PCDH15: variants seen among roughly 807,000 people sequenced by gnomAD.
The protein encoded by PCDH15 is protocadherin-15.
PCDH15 carries 129 observed loss-of-function variants against 178.5 expected under a neutral mutation model. The observed-to-expected ratio is 0.72, with a 90% CI of 0.63 to 0.84. The LOEUF is 0.84. PCDH15 is among the 40% of genes least tolerant of loss of function. The probability of loss-of-function intolerance (pLI) is 0.00; values close to 1 mark genes in which losing one functional copy is unlikely to be tolerated. For missense variants in PCDH15, 2,230 were observed against 2,099.9 expected (o/e 1.06, Z -1.21); for synonymous variants, 800 against 732.0 (o/e 1.09, Z -1.50).
At chr10:55,356,392 C>T (rs147103464) in intron 2 of PCDH15, among the ~76,000 whole-genome samples, 88 of 151,834 alleles carry the variant, frequency 5.8e-4, no homozygotes, top group African/African-American at 1.9e-3. Flanking sequence ...CTATTTTTGC[C>T]TCAAACAGTG....
At chr10:54,581,171 T>G (rs1460544389) in intron 2 of PCDH15, among the ~76,000 whole-genome samples, 1 of 152,088 alleles carries the variant, frequency 6.6e-6, no homozygotes, top group Admixed American at 6.6e-5. Context: ...TTGCTGACTA[T>G]ATGTTTCTAC....
chr10:54,742,393 C>T (rs571881485), intron 1 of PCDH15, among the ~76,000 whole-genome samples: 1 of 152,070 alleles, frequency 6.6e-6, no homozygotes, highest in South Asian at 2.1e-4. Flanking sequence ...AACATACGTG[C>T]CAGCCTAGTT....
chr10:54,683,649 G>T (rs2094939273), intron 1 of PCDH15, among the ~76,000 whole-genome samples: 1 of 152,036 alleles, frequency 6.6e-6, no homozygotes, highest in Non-Finnish European at 1.5e-5. Context: ...AGCATGAGAG[G>T]TTAGGTAGCC....
At chr10:54,729,273 A>G (rs1943007274) in intron 1 of PCDH15, among the ~76,000 whole-genome samples, 1 of 151,678 alleles carries the variant, frequency 6.6e-6, no homozygotes, top group Admixed American at 6.6e-5. Flanking sequence ...CTACACATTT[A>G]TAACCATCTA....
intron 2 of PCDH15, chr10:55,506,193 G>C (rs1214268528): frequency 6.6e-6 from 1 of 151,396 alleles, no homozygotes; most frequent in Non-Finnish European, 1.5e-5. Context: ...GAAAGATGAA[G>C]GTGTCTTGGC....
intron 2 of PCDH15, among the ~76,000 whole-genome samples, chr10:55,096,798 A>G (rs915919306): frequency 6.6e-6 from 1 of 152,086 alleles, no homozygotes; most frequent in Non-Finnish European, 1.5e-5. Flanking sequence ...ACAACTTTTT[A>G]TATAAGTAAA....
chr10:53,841,312 T>C (rs1258894996), intron 28 of PCDH15, among the ~76,000 whole-genome samples: 1 of 152,122 alleles, frequency 6.6e-6, no homozygotes, highest in African/African-American at 2.4e-5. Flanking sequence ...ATAATTTTAA[T>C]TACTATATAT....
chr10:55,500,466 A>T (rs867806209), intron 2 of PCDH15, among the ~76,000 whole-genome samples: 8 of 151,986 alleles, frequency 5.3e-5, no homozygotes, highest in Middle Eastern at 6.8e-3. Flanking sequence ...TGTTGAAGTA[A>T]TTATAAAATT....
At chr10:54,606,228 G>C (rs2092734972) in intron 2 of PCDH15, 1 of 152,126 alleles carries the variant, frequency 6.6e-6, no homozygotes, top group Non-Finnish European at 1.5e-5. Flanking sequence ...GGAGATATGG[G>C]AAGAACCCAT....
At chr10:54,907,694 T>G (rs1954749043) in intron 2 of PCDH15, among the ~76,000 whole-genome samples, 1 of 152,194 alleles carries the variant, frequency 6.6e-6, no homozygotes. Context: ...CTTAAATAGT[T>G]TATGTCTGTA....
chr10:55,345,841 A>C (rs1221566359), intron 2 of PCDH15, among the ~76,000 whole-genome samples: 1 of 152,076 alleles, frequency 6.6e-6, no homozygotes, highest in Non-Finnish European at 1.5e-5. Flanking sequence ...TAAGTCAAAG[A>C]AATTACATTT....
chr10:54,868,335 G>A (rs185220003), intron 3 of PCDH15, among the ~76,000 whole-genome samples: 3 of 152,064 alleles, frequency 2.0e-5, no homozygotes, highest in Non-Finnish European at 2.9e-5. Context: ...TGATGACTAC[G>A]CATAAGCACC....
In PCDH15 at chr10:54,054,431, C is replaced by T. The variant is rs541841408; in HGVS notation, c.2220+12326G>A. On this transcript the variant is annotated intron_variant, in intron 18 of 37. Coordinates refer to ENST00000644397, the MANE Select transcript of PCDH15 (RefSeq NM_001384140.1). Reference sequence around the variant, plus strand: ...AGAAAAAAGAGAGACAGAGAGAGATCCTATAGCAATAGAGCAGTAAAGTGA... The same window carrying T: ...AGAAAAAAGAGAGACAGAGAGAGATTCTATAGCAATAGAGCAGTAAAGTGA... Among the ~76,000 whole-genome samples, 16 of 152,106 alleles carry T rather than the reference C, an allele frequency of 1.1e-4. No homozygotes were observed. In the East Asian group the frequency reaches 3.1e-3, roughly 29 times the overall value.
chr10:54,550,906 A>T (rs1257397981), intron 2 of PCDH15, among the ~76,000 whole-genome samples: 3 of 152,036 alleles, frequency 2.0e-5, no homozygotes, highest in Non-Finnish European at 4.4e-5. Flanking sequence ...CTGTAATCCC[A>T]AAACTTGATG....
chr10:54,655,850 G>A (rs1168486240), intron 2 of PCDH15: 9 of 152,104 alleles, frequency 5.9e-5, no homozygotes, highest in African/African-American at 2.2e-4. Flanking sequence ...AAAAGACATA[G>A]CTGAGATTTC....
chr10:54,661,239 C>T (rs55883343), intron 2 of PCDH15, among the ~76,000 whole-genome samples: 55,807 of 151,816 alleles, frequency 0.37, 10,932 homozygotes, highest in African/African-American at 0.51. Flanking sequence ...GTTTCATTTA[C>T]ATAGATCGAC....
intron 1 of PCDH15, among the ~76,000 whole-genome samples, chr10:54,713,732 AT>A (rs1207488941): frequency 1.3e-5 from 2 of 152,150 alleles, no homozygotes; most frequent in South Asian, 2.1e-4. Flanking sequence ...GTTGTATTAC[AT>A]TTTACAGGTA....
At position 55,316,301 on chromosome 10, in the gene PCDH15, A is replaced by G. The variant is rs115268823; in HGVS notation, c.-156+3298T>C. ...ACAGCTTGACAAGACATGAACCACA[A>G]AGAGATTCACAACCTAGATTAATAA... On this transcript the variant is annotated intron_variant, in intron 1 of 5. Transcript: ENST00000458638. Among the ~76,000 whole-genome samples, 784 of 152,294 alleles carry G rather than the reference A, an allele frequency of 5.1e-3. 11 individuals are homozygous for G. The highest frequency in any genetic ancestry group is 0.018 in the African/African-American group (738 of 41,570).
At chr10:55,243,810 T>A (rs374833101) in intron 1 of PCDH15, among the ~76,000 whole-genome samples, 1 of 152,168 alleles carries the variant, frequency 6.6e-6, no homozygotes, top group Non-Finnish European at 1.5e-5. Context: ...ACATTGGGCA[T>A]GAAGTACCTT....
Sources: allele counts gnomAD v4.1 joint callset (sites outside exome capture counted in the v4.1 genomes callset), GRCh38; gene constraint gnomAD v4.1.1; transcripts MANE v1.5; gene names NCBI Gene and HGNC (gene_info 2026-07-23, HGNC 2026-07-21).